The following RRAS2 variants were observed in gnomAD, a reference collection of about 807,000 sequenced individuals.
RRAS2 encodes ras-related protein R-Ras2.
A neutral mutation model predicts 27.6 loss-of-function variants in RRAS2; 7 were observed. The ratio of observed to expected loss-of-function variants is 0.25; its 90% CI spans 0.14 to 0.48. The LOEUF (loss-of-function observed/expected upper bound fraction) is 0.48, where lower values mean the gene tolerates loss of function less well. Among genes scored for constraint, RRAS2 ranks in the 20% least tolerant of loss-of-function variants. The pLI, the probability that RRAS2 is intolerant of heterozygous loss-of-function variation, is 0.99. For synonymous variants in RRAS2, 86 were observed against 90.9 expected (o/e 0.95, Z 0.31); for missense variants, 178 against 256.2 (o/e 0.69, Z 2.08).
intron 1 of RRAS2, among the ~76,000 whole-genome samples, chr11:14,323,687 C>T (rs1554950618): frequency 6.6e-6 from 1 of 151,870 alleles, no homozygotes; most frequent in African/African-American, 2.4e-5. Flanking sequence ...TTTTATGAGG[C>T]CAGTATAATC....
chr11:14,355,876 T>C (rs1229696736), intron 1 of RRAS2, among the ~76,000 whole-genome samples: 3 of 152,158 alleles, frequency 2.0e-5, no homozygotes, highest in African/African-American at 7.2e-5. Context: ...TAAACAATCA[T>C]GGTGGAATGA....
At position 14,319,345 on chromosome 11, in the gene RRAS2, C is replaced by CTTTTTTTTT. The variant is rs1156654694; in HGVS notation, c.109-23499_109-23491dup. Among the ~76,000 whole-genome samples, 62 of 91,530 alleles carry CTTTTTTTTT rather than the reference C, an allele frequency of 6.8e-4. 2 individuals carry two copies. The highest frequency in any genetic ancestry group is 8.1e-4 in the Non-Finnish European group (42 of 52,110). 60.0% of individuals were successfully genotyped at this position (91,530 alleles called of 152,430 possible). A position where few individuals can be genotyped will look rare whatever the true frequency, so the allele number is the denominator to read the frequency against. The stretch of plus-strand genomic sequence containing the variant: ...TATTAACTATTCAGGTTCCCTCTGT[C>CTTTTTTTTT]TTTTTTTTTTTTTTTTTTTTTTTTG... On this transcript the variant is annotated intron_variant, in intron 1 of 5. Coordinates refer to ENST00000256196, the MANE Select transcript of RRAS2 (RefSeq NM_012250.6).
chr11:14,345,568 A>T (rs1848811753), intron 1 of RRAS2, among the ~76,000 whole-genome samples: 1 of 152,204 alleles, frequency 6.6e-6, no homozygotes, highest in Non-Finnish European at 1.5e-5. Context: ...AGAAGGAAAA[A>T]GGGATCGTTT....
At chr11:14,321,818 G>T (rs1848228398) in intron 1 of RRAS2, among the ~76,000 whole-genome samples, 1 of 151,966 alleles carries the variant, frequency 6.6e-6, no homozygotes, top group Non-Finnish European at 1.5e-5. Flanking sequence ...TGGTTTTTTT[G>T]AACCCAATAA....
At chr11:14,287,728 CG>C (rs1849702139) in intron 4 of RRAS2, among the ~76,000 whole-genome samples, 1 of 151,714 alleles carries the variant, frequency 6.6e-6, no homozygotes, top group Non-Finnish European at 1.5e-5. Flanking sequence ...AAAAAGTAGC[CG>C]GGTGTGATGG....
chr11:14,294,452 C>T lies in RRAS2; in HGVS notation c.408+19G>A. ...TGATTATAAACAATTGGTTTCCCAA[C>T]AGTGAAATTCCTTCTCACCTGTCTT... On this transcript the variant is annotated intron_variant, in intron 4 of 5. Transcript: ENST00000256196. The T allele has an allele frequency of 6.8e-7, 1 of 1,462,364 alleles. No homozygotes were observed. The highest frequency in any genetic ancestry group is 9.4e-7 in the Non-Finnish European group (1 of 1,067,354). 90.6% of individuals were successfully genotyped at this position (1,462,364 alleles called of 1,614,324 possible). A position where few individuals can be genotyped will look rare whatever the true frequency, so the allele number is the denominator to read the frequency against.
At chr11:14,348,490 T>A (rs1186187188) in intron 1 of RRAS2, among the ~76,000 whole-genome samples, 1 of 152,242 alleles carries the variant, frequency 6.6e-6, no homozygotes, top group Non-Finnish European at 1.5e-5. Context: ...TTCCACCTTT[T>A]CCTTTATGTT....
chr11:14,295,977 A>G, intron 1 of RRAS2, 122 bp from the exon 2 acceptor site: 1 of 770,220 alleles, frequency 1.3e-6, no homozygotes, highest in East Asian at 2.7e-5. Context: ...GTTTGAGACC[A>G]GCCTGGGCAA....
At chr11:14,279,788 T>C (rs782784951) in intron 5 of RRAS2, among the ~76,000 whole-genome samples, 4 of 152,254 alleles carry the variant, frequency 2.6e-5, no homozygotes, top group African/African-American at 4.8e-5. Context: ...AGGTCTTATC[T>C]GTGTTCTGCC....
intron 1 of RRAS2, among the ~76,000 whole-genome samples, chr11:14,341,204 CAA>C (rs1848697588): frequency 2.6e-5 from 4 of 152,106 alleles, no homozygotes; most frequent in African/African-American, 9.6e-5. Flanking sequence ...ATTTCATGAG[CAA>C]AAAAAGTCAA....
At chr11:14,321,053 G>A (rs1386380705) in intron 1 of RRAS2, among the ~76,000 whole-genome samples, 6 of 151,898 alleles carry the variant, frequency 4.0e-5, no homozygotes, top group African/African-American at 1.5e-4. Context: ...GGTGGCAGGC[G>A]CCTGTAATCC....
intron 1 of RRAS2, among the ~76,000 whole-genome samples, chr11:14,315,712 CTCTAAAGT>C (rs1368808688): frequency 3.9e-5 from 6 of 152,110 alleles, no homozygotes; most frequent in South Asian, 2.1e-4. Context: ...TTTTCTGTAA[CTCTAAAGT>C]TCTTAAAGTC....
At chr11:14,344,372 C>T (rs1554953798) in intron 1 of RRAS2, among the ~76,000 whole-genome samples, 5 of 152,196 alleles carry the variant, frequency 3.3e-5, no homozygotes, top group Non-Finnish European at 7.3e-5. Flanking sequence ...ACTCCTTCCT[C>T]AAGTAAAATG....
chr11:14,308,295 G>A, intron 1 of RRAS2: 1 of 451,274 alleles, frequency 2.2e-6, no homozygotes, highest in Non-Finnish European at 4.4e-6. Context: ...AATGAAAGAA[G>A]GAACCCAAGA....
intron 1 of RRAS2, among the ~76,000 whole-genome samples, chr11:14,306,557 G>C (rs988907937): frequency 6.6e-6 from 1 of 152,054 alleles, no homozygotes; most frequent in Non-Finnish European, 1.5e-5. Context: ...ACTGTGGGGC[G>C]AAGTCTTATT....
chr11:14,359,305 C>T (rs1391890858), upstream of RRAS2: 1 of 324,982 alleles, frequency 3.1e-6, no homozygotes, highest in Non-Finnish European at 4.4e-6. Context: ...ACGGACACAC[C>T]GCTCTAATCC....
chr11:14,358,488 G>C lies in RRAS2; in HGVS notation c.108+275C>G. The C allele has an allele frequency of 1.0e-6, 1 of 985,650 alleles. No homozygotes were observed. Among genetic ancestry groups the C allele is most frequent in the Non-Finnish European group, 1.2e-6 (1 of 830,182 alleles). The allele number at this position is 985,650 out of a possible 1,614,324, so 61.1% of individuals were successfully genotyped here. ...TCTCTGGCCTCGGCCAGAGCAATAA[G>C]GTGGATCGGTGCTTCCCACCCTTCC... On this transcript the variant is annotated intron_variant, in intron 1 of 5. Transcript: ENST00000256196. This position sits in a 1 kb window ranked among gnomAD's most constrained non-coding sequence, Gnocchi z 5.1.
chr11:14,296,133 T>C (rs990676811), intron 1 of RRAS2, among the ~76,000 whole-genome samples: 2 of 152,008 alleles, frequency 1.3e-5, no homozygotes, highest in African/African-American at 4.8e-5. Flanking sequence ...TGAACCATGA[T>C]TGTGCCACTG....
rs1554946531 is a variant in RRAS2 at position 14,295,881 on chromosome 11, T to C, written c.109-26A>G. 1.9e-6 allele frequency: 3 copies of C among 1,603,000 alleles called. No homozygotes were observed. In the Admixed American group the frequency reaches 5.0e-5, roughly 27 times the overall value. On this transcript the variant is annotated intron_variant, in intron 1 of 5. Transcript: ENST00000256196. ...CTGCAAGAAAAGAAAAAACTTTATT[T>C]TAAAATTCATGGCCAGGCATGGTAG...
Sources: gnomAD v4.1 joint callset for allele counts (sites outside exome capture counted in the v4.1 genomes callset) on GRCh38, gnomAD v4.1.1 for gene constraint, Gnocchi (gnomAD v3.1) non-coding constraint, MANE v1.5 for transcripts, NCBI Gene and HGNC (gene_info 2026-07-23, HGNC 2026-07-21) for gene names.